Variants in CASKIN1 observed in about 807,000 individuals in gnomAD.
CASKIN1 encodes CASK interacting protein 1.
Under a neutral mutation model 117.5 loss-of-function variants are expected in CASKIN1, and 42 were observed. The ratio of observed to expected loss-of-function variants is 0.36; its 90% confidence interval spans 0.28 to 0.46. The LOEUF is 0.46. Among genes scored for constraint, CASKIN1 ranks in the 20% least tolerant of loss-of-function variants. The pLI is 1.00. For synonymous variants in CASKIN1, 1,148 were observed against 961.7 expected, an observed-to-expected ratio of 1.19 and a Z score of -3.59; for missense variants, 2,083 against 2,077.3, an observed-to-expected ratio of 1.00 and a Z score of -0.05.
Position 2,185,302 on chromosome 16 carries a change from C to T in CASKIN1, c.1150+5G>A. The stretch of plus-strand genomic sequence containing the variant: ...CCACCTCTGCCCTTCAGGGACCCAG[C>T]CTACCTGCAAAAGGCTTCCTCAGCA... On this transcript the variant is annotated splice_donor_5th_base_variant and intron_variant, in intron 11 of 19. Coordinates refer to ENST00000343516, the MANE Select transcript of CASKIN1 (RefSeq NM_020764.4). 6.3e-7 allele frequency: 1 copy of T among 1,594,862 alleles called. No individual in the cohort carries two copies. Among genetic ancestry groups the T allele is most frequent in the Non-Finnish European group, 8.6e-7 (1 of 1,166,812 alleles).
chr16:2,181,209 G>A lies in CASKIN1; in HGVS notation c.2159C>T (p.Pro720Leu), dbSNP rs188507692. 13,881 of 1,582,672 alleles carry A rather than the reference G, an allele frequency of 8.8e-3. 87 individuals carry two copies. The highest frequency in any genetic ancestry group is 0.01 in the Non-Finnish European group (12,107 of 1,173,046). ...GAGGTACTCCTGGCTTCGAGACATGGGGCTGCTGGGCCCAGGGGGCCCATC... is the reference window on the plus strand; with the variant it reads ...GAGGTACTCCTGGCTTCGAGACATGAGGCTGCTGGGCCCAGGGGGCCCATC... ...LGDGPPGPSS[P>L]MSRSQEYLLD... Residue 720 changes from proline (P) to leucine (L), a missense_variant, in exon 18 of 20, where the codon CCC becomes CTC. Coordinates refer to ENST00000343516, the MANE Select transcript of CASKIN1 (RefSeq NM_020764.4).
intron 6 of CASKIN1, among the ~76,000 whole-genome samples, chr16:2,188,675 G>A (rs1257905168): frequency 2.0e-5 from 3 of 152,150 alleles, no homozygotes; most frequent in African/African-American, 7.2e-5. Context: ...CTGTTGAAGG[G>A]CCCTCCCTGT....
Position 2,196,477 on chromosome 16 carries a change from G to C in CASKIN1, c.-45C>G. ...CGACGCGGCTGCGCTCGTGAGCTCG[G>C]CGCGGCTCAGAGGCGGCGGCGGCCC... is the stretch of plus-strand genomic sequence containing the variant. On this transcript the variant is annotated 5_prime_UTR_variant, in exon 1 of 20. Transcript: ENST00000343516. The surrounding 1 kb of genome is among the most constrained non-coding windows in gnomAD (Gnocchi z 5.7). 2 of 1,019,978 alleles carry C rather than the reference G, an allele frequency of 2.0e-6. No individual in the cohort carries two copies. The highest frequency in any genetic ancestry group is 2.4e-6 in the Non-Finnish European group (2 of 838,914). The allele number at this position is 1,019,978 out of a possible 1,614,324, so 63.2% of individuals were successfully genotyped here.
Position 2,180,328 on chromosome 16 carries a change from C to T in CASKIN1, c.3040G>A (p.Gly1014Arg), listed in dbSNP as rs1409754699. The T allele has an allele frequency of 6.3e-7, 1 of 1,597,408 alleles. No homozygotes were observed. ...IAAMLELSSIGGGGRAARRPP... is the reference protein window; with the variant it reads ...IAAMLELSSIRGGGRAARRPP... ...CTGCGGGCAGCCCGGCCCCCACCCC[C>T]AATGGAGGACAGCTCCAGCATGGCC... Residue 1014 changes from glycine to arginine, a missense_variant, in exon 18 of 20, where the codon GGG becomes AGG. Transcript: ENST00000343516.
Position 2,191,366 on chromosome 16 carries a change from C to A in CASKIN1, c.95-1008G>T, listed in dbSNP as rs915384524. On this transcript the variant is annotated intron_variant, in intron 1 of 19. Transcript: ENST00000343516. ...CAGCCACTGGACACAGGGTGCGGGT[C>A]CCCTGATGACCCACGAGGCTGGCCG... 2.6e-5 allele frequency among the ~76,000 whole-genome samples: 4 copies of A among 152,206 alleles called. No individual in the cohort carries two copies. In the South Asian group the frequency reaches 6.2e-4, roughly 24 times the overall value.
rs1436722376 is a variant in CASKIN1 at position 2,182,391 on chromosome 16, C to T, written c.1630-462G>A. 6.6e-6 allele frequency among the ~76,000 whole-genome samples: 1 copy of T among 152,232 alleles called. No individual in the cohort carries two copies. The highest frequency in any genetic ancestry group is 1.9e-4 in the East Asian group (1 of 5,176). On this transcript the variant is annotated intron_variant, in intron 16 of 19. Coordinates refer to ENST00000343516, the MANE Select transcript of CASKIN1 (RefSeq NM_020764.4). This position sits in a 1 kb window ranked among gnomAD's most constrained non-coding sequence, Gnocchi z 4.1. The stretch of plus-strand genomic sequence containing the variant: ...ACCTCTCACCCACATCACAGGGCCA[C>T]ACACATGCCACACAGCCACAACACA...
chr16:2,184,312 G>A (rs1327703371), intron 14 of CASKIN1, among the ~76,000 whole-genome samples: 1 of 152,144 alleles, frequency 6.6e-6, no homozygotes, highest in Non-Finnish European at 1.5e-5. Context: ...CTCTGGGAAA[G>A]GGGCCTCGGG....
At chr16:2,190,488 C>T in intron 1 of CASKIN1, 130 bp from the exon 2 acceptor site, 4 of 777,404 alleles carry the variant, frequency 5.1e-6, no homozygotes, top group Non-Finnish European at 8.5e-6. Context: ...TGCAGACACT[C>T]ACTCGTCCAC....
At chr16:2,188,212 G>C (rs974739929) in intron 6 of CASKIN1, among the ~76,000 whole-genome samples, 1 of 151,530 alleles carries the variant, frequency 6.6e-6, no homozygotes, top group African/African-American at 2.4e-5. Flanking sequence ...GTAGAGATGG[G>C]GTCTCTCTCT....
rs764193514 is a variant in CASKIN1, at chr16:2,180,885, G to C, written c.2483C>G (p.Thr828Arg). The change falls in exon 18 of 20, where the codon ACG becomes AGG. Residue 828 changes from threonine (T) to arginine (R), a missense_variant. This residue lies in a region of CASKIN1 where 1,818 missense variants were observed against 1,688.9 expected (regional missense o/e 1.08). Transcript: ENST00000343516. ...MSPRSLPQSP[T>R]HRGFAYVLPQ... Reference sequence around the variant, plus strand: ...CAGCACGTAGGCAAAGCCGCGGTGCGTCGGTGACTGAGGCAGGGAGCGGGG... The same window carrying C: ...CAGCACGTAGGCAAAGCCGCGGTGCCTCGGTGACTGAGGCAGGGAGCGGGG... 7.0e-7 allele frequency: 1 copy of C among 1,436,060 alleles called. No individual in the cohort carries two copies. The highest frequency in any genetic ancestry group is 2.7e-5 in the East Asian group (1 of 37,714). The allele number at this position is 1,436,060 out of a possible 1,614,324, so 89.0% of individuals were successfully genotyped here.
rs1259085613 is a variant in CASKIN1 at position 2,186,968 on chromosome 16, C to A, written c.930+10G>T. 2.1e-5 allele frequency: 34 copies of A among 1,613,272 alleles called. No individual in the cohort carries two copies. The highest frequency in any genetic ancestry group is 2.9e-5 in the Non-Finnish European group (34 of 1,179,662). On this transcript the variant is annotated intron_variant, in intron 9 of 19. Transcript: ENST00000343516. ...CTCCCTGCTGAGATGGCCCCTGGGG[C>A]CATGCTTACTGTGATGATGTCCCCT...
In CASKIN1 at chr16:2,179,800, C is replaced by T. The variant is rs567242436; in HGVS notation, c.3568G>A (p.Glu1190Lys). Residue 1190 changes from glutamate to lysine, a missense_variant, in exon 18 of 20, where the codon GAG becomes AAG. Coordinates refer to ENST00000343516, the MANE Select transcript of CASKIN1 (RefSeq NM_020764.4). This position sits in a 1 kb window ranked among gnomAD's most constrained non-coding sequence, Gnocchi z 5.8. ...RPASEQAGPP[E>K]LPPPPPPAEP... Reference sequence around the variant, plus strand: ...GCAGGCGGGGGCGGTGGAGGCAGCTCCGGAGGCCCAGCCTGCTCCGAGGCC... The same window carrying T: ...GCAGGCGGGGGCGGTGGAGGCAGCTTCGGAGGCCCAGCCTGCTCCGAGGCC... 4.1e-5 allele frequency: 64 copies of T among 1,577,128 alleles called. No homozygotes were observed. The South Asian group carries it at 7.0e-4, about 17-fold the overall frequency.
intron 14 of CASKIN1, 125 bp from the exon 15 acceptor site, chr16:2,184,066 T>G: frequency 1.6e-6 from 1 of 618,978 alleles, no homozygotes; most frequent in Non-Finnish European, 2.8e-6. Flanking sequence ...CTGCTCCATC[T>G]GCAGCAGGCC....
rs1019829273 is a variant in CASKIN1 at position 2,180,178 on chromosome 16, G to A, written c.3190C>T (p.Arg1064Cys). ...CCGGTGACTGGCCCGCTGAGCGTGC[G>A]GCGCCGGTTCACCACCTCCCCGCCA... ...GPGGEVVNRR[R>C]TLSGPVTGLL... is the part of the protein sequence containing the mutation. Residue 1064 changes from arginine to cysteine, a missense_variant, in exon 18 of 20, where the codon CGC (arginine) becomes TGC (cysteine). Arg to Cys is a radical substitution (Grantham distance 180). Coordinates refer to ENST00000343516, the MANE Select transcript of CASKIN1 (RefSeq NM_020764.4). 6.5e-6 allele frequency: 10 copies of A among 1,550,254 alleles called. No individual in the cohort carries two copies. Among genetic ancestry groups the A allele is most frequent in the African/African-American group, 1.4e-5 (1 of 73,024 alleles).
chr16:2,181,916 A>G lies in CASKIN1; in HGVS notation c.1643T>C (p.Val548Ala). ...GGCCAGGCCGATCATGGACAGCCAC[A>G]CGGCCAGGTTAGCCTACAGAGCAGA... ...LPEHKPANLA[V>A]WLSMIGLAQY... The change falls in exon 17 of 20, where the codon GTG becomes GCG. Residue 548 changes from valine (V) to alanine (A), a missense_variant. By Grantham distance (64) the Val-to-Ala change is moderately conservative. Transcript: ENST00000343516. 6.2e-7 allele frequency: 1 copy of G among 1,613,664 alleles called. No individual in the cohort carries two copies. The highest frequency in any genetic ancestry group is 8.5e-7 in the Non-Finnish European group (1 of 1,179,968).
intron 5 of CASKIN1, 27 bp downstream of exon 5, chr16:2,189,211 C>A: frequency 6.2e-7 from 1 of 1,612,888 alleles, no homozygotes; most frequent in Non-Finnish European, 8.5e-7. Flanking sequence ...CCCAGCCCCA[C>A]CCCACAGGGC....
chr16:2,196,440 C>G lies in CASKIN1; in HGVS notation c.-8G>C. ...CTCCTGCTCCTTCCCCATGGCGCGG[C>G]CGGGGCCGCAGCGACGCGGCTGCGC... is the stretch of plus-strand genomic sequence containing the variant. On this transcript the variant is annotated 5_prime_UTR_variant, in exon 1 of 20. Transcript: ENST00000343516. This position sits in a 1 kb window ranked among gnomAD's most constrained non-coding sequence, Gnocchi z 5.7. The G allele has an allele frequency of 7.9e-7, 1 of 1,260,302 alleles. No homozygotes were observed. The highest frequency in any genetic ancestry group is 1.0e-6 in the Non-Finnish European group (1 of 988,044). 78.1% of individuals were successfully genotyped at this position (1,260,302 alleles called of 1,614,324 possible). A position where few individuals can be genotyped will look rare whatever the true frequency, so the allele number is the denominator to read the frequency against.
chr16:2,180,354 G>T lies in CASKIN1; in HGVS notation c.3014C>A (p.Ala1005Glu). 6.3e-7 allele frequency: 1 copy of T among 1,596,556 alleles called. No homozygotes were observed. Among genetic ancestry groups the T allele is most frequent in the Non-Finnish European group, 8.5e-7 (1 of 1,177,640 alleles). Residue 1005 changes from alanine (A) to glutamate (E), a missense_variant, in exon 18 of 20, where the codon GCG (alanine) becomes GAG (glutamate). Around this residue, in one of 3 missense-constraint regions of CASKIN1, gnomAD observed 1,818 missense variants for 1,688.9 expected, o/e 1.08. Coordinates refer to ENST00000343516, the MANE Select transcript of CASKIN1 (RefSeq NM_020764.4). ...TGSAGSVKSI[A>E]AMLELSSIGG... ...AATGGAGGACAGCTCCAGCATGGCC[G>T]CGATGCTCTTCACACTGCCGGCACT...
At chr16:2,194,200 T>G (rs2093209177) in intron 1 of CASKIN1, among the ~76,000 whole-genome samples, 1 of 152,116 alleles carries the variant, frequency 6.6e-6, no homozygotes, top group Non-Finnish European at 1.5e-5. Context: ...AGGGGTGTCC[T>G]CCACGGCATT....
Sources: allele counts gnomAD v4.1 joint callset (sites outside exome capture counted in the v4.1 genomes callset), GRCh38; gene constraint gnomAD v4.1.1; regional missense constraint gnomAD v4.1.1; non-coding constraint Gnocchi (gnomAD v3.1); transcripts MANE v1.5; gene names NCBI Gene and HGNC (gene_info 2026-07-23, HGNC 2026-07-21).